The following TMEM182 variants were observed in gnomAD, a reference collection of about 807,000 sequenced individuals.
TMEM182 encodes transmembrane protein 182.
A neutral mutation model predicts 26.8 loss-of-function variants in TMEM182; 20 were observed. That is an observed-to-expected ratio of 0.75 (90% CI 0.53 to 1.09). TMEM182 has a LOEUF of 1.09. Among genes scored for constraint, TMEM182 ranks in the 50% least tolerant of loss-of-function variants. The pLI is 0.00. For missense variants in TMEM182, 277 were observed against 275.5 expected, an observed-to-expected ratio of 1.01 and a Z score of -0.04; for synonymous variants, 109 against 102.2, an observed-to-expected ratio of 1.07 and a Z score of -0.40.
Position 102,814,766 on chromosome 2 carries a change from T to C in TMEM182, c.488T>C (p.Val163Ala). The C allele has an allele frequency of 6.2e-7, 1 of 1,613,582 alleles. No homozygotes were observed. Among genetic ancestry groups the C allele is most frequent in the Non-Finnish European group, 8.5e-7 (1 of 1,179,802 alleles). ...TTCTCAGGCATCCTATTTTCATTGG[T>C]GGTGATGCTGTATGTCATCTGGGTC... ...YIAAGILFSL[V>A]VMLYVIWVQA... The change falls in exon 5 of 5, where the codon GTG becomes GCG. Residue 163 changes from valine to alanine, a missense_variant. Transcript: ENST00000412401.
At chr2:102,770,552 A>T (rs1018738544) in intron 3 of TMEM182, among the ~76,000 whole-genome samples, 5 of 152,116 alleles carry the variant, frequency 3.3e-5, no homozygotes, top group African/African-American at 1.2e-4. Context: ...TCACCTGAGG[A>T]TCCTCCTGAG....
intron 3 of TMEM182, among the ~76,000 whole-genome samples, chr2:102,831,752 G>T (rs1683154531): frequency 6.6e-6 from 1 of 151,242 alleles, no homozygotes; most frequent in Admixed American, 6.6e-5. Flanking sequence ...GCTAGACTCT[G>T]TCTAAAAAAA....
At chr2:102,780,928 G>A (rs1034871269) in intron 3 of TMEM182, among the ~76,000 whole-genome samples, 3 of 152,176 alleles carry the variant, frequency 2.0e-5, no homozygotes, top group Non-Finnish European at 4.4e-5. Context: ...TGTGACCATT[G>A]TTGATTCTGG....
intron 3 of TMEM182, chr2:102,834,329 G>A (rs75672651): frequency 0.096 from 91,013 of 949,926 alleles, 4,768 homozygotes; most frequent in East Asian, 0.2. Flanking sequence ...CTTAGGACTC[G>A]TCTGTTTTTT....
At chr2:102,742,806 T>C (rs1679581542) in intron 1 of TMEM182, among the ~76,000 whole-genome samples, 1 of 152,108 alleles carries the variant, frequency 6.6e-6, no homozygotes, top group Non-Finnish European at 1.5e-5. Flanking sequence ...TAGAATAATT[T>C]TATATCCAGA....
intron 3 of TMEM182, among the ~76,000 whole-genome samples, chr2:102,784,012 G>A (rs542008155): frequency 2.6e-5 from 4 of 152,018 alleles, no homozygotes; most frequent in South Asian, 2.1e-4. Flanking sequence ...TCCAAACTAC[G>A]CCGGACCTGA....
chr2:102,751,694 T>G (rs552589219), intron 1 of TMEM182, among the ~76,000 whole-genome samples: 1 of 152,306 alleles, frequency 6.6e-6, no homozygotes, highest in Admixed American at 6.5e-5. Flanking sequence ...TTTCTTTCTT[T>G]CTTTTTAGAG....
At chr2:102,752,374 C>T (rs914890019) in intron 1 of TMEM182, among the ~76,000 whole-genome samples, 4 of 152,130 alleles carry the variant, frequency 2.6e-5, no homozygotes, top group African/African-American at 4.8e-5. Flanking sequence ...TCATGATATG[C>T]TCTAATTTTT....
chr2:102,750,961 T>C (rs1159797035), intron 1 of TMEM182, among the ~76,000 whole-genome samples: 2 of 152,196 alleles, frequency 1.3e-5, no homozygotes, highest in African/African-American at 4.8e-5. Context: ...CCTGCCCTGC[T>C]GGGTTGCATA....
intron 1 of TMEM182, among the ~76,000 whole-genome samples, chr2:102,738,774 G>T (rs1043121102): frequency 6.6e-6 from 1 of 152,170 alleles, no homozygotes; most frequent in African/African-American, 2.4e-5. Flanking sequence ...ATGTTAGCTT[G>T]TGCAGCTGGA....
chr2:102,758,838 G>T (rs1680123939), upstream of TMEM182, among the ~76,000 whole-genome samples: 1 of 152,288 alleles, frequency 6.6e-6, no homozygotes, highest in South Asian at 2.1e-4. Context: ...CATATGAAAG[G>T]TTGGAAATTC....
chr2:102,773,065 T>C (rs1680747983), intron 3 of TMEM182, among the ~76,000 whole-genome samples: 1 of 152,116 alleles, frequency 6.6e-6, no homozygotes, highest in Admixed American at 6.6e-5. Context: ...ACATGGTAGT[T>C]AATATTATGC....
intron 3 of TMEM182, among the ~76,000 whole-genome samples, chr2:102,841,095 T>C (rs1180526686): frequency 6.6e-6 from 1 of 151,994 alleles, no homozygotes; most frequent in African/African-American, 2.4e-5. Flanking sequence ...GAGTGGCCTG[T>C]GGTGGAGGAA....
intron 1 of TMEM182, among the ~76,000 whole-genome samples, chr2:102,743,460 C>T (rs1333326669): frequency 6.6e-6 from 1 of 152,110 alleles, no homozygotes; most frequent in African/African-American, 2.4e-5. Context: ...TTGCTGACTG[C>T]ACCTCAGCCT....
chr2:102,784,013 C>T (rs965795282), intron 3 of TMEM182, among the ~76,000 whole-genome samples: 2 of 152,096 alleles, frequency 1.3e-5, no homozygotes, highest in Admixed American at 6.5e-5. Flanking sequence ...CCAAACTACG[C>T]CGGACCTGAT....
In TMEM182 at chr2:102,815,406, C is replaced by T; in HGVS notation, c.*438C>T. On this transcript the variant is annotated 3_prime_UTR_variant, in exon 5 of 5. Coordinates refer to ENST00000412401, the MANE Select transcript of TMEM182 (RefSeq NM_144632.5). Reference sequence around the variant, plus strand: ...GTCAGAGAATTTATTTTGTTTCTTGCCCACACAGATAATATCCACATACAC... The same window carrying T: ...GTCAGAGAATTTATTTTGTTTCTTGTCCACACAGATAATATCCACATACAC... The T allele has an allele frequency of 2.0e-6, 2 of 999,006 alleles. No homozygotes were observed. Among genetic ancestry groups the T allele is most frequent in the Non-Finnish European group, 2.4e-6 (2 of 839,006 alleles). The allele number at this position is 999,006 out of a possible 1,614,324, so 61.9% of individuals were successfully genotyped here. A position where few individuals can be genotyped will look rare whatever the true frequency, so the allele number is the denominator to read the frequency against.
At chr2:102,825,306 AC>A (rs1289590023) in intron 3 of TMEM182, among the ~76,000 whole-genome samples, 4 of 152,252 alleles carry the variant, frequency 2.6e-5, no homozygotes, top group African/African-American at 9.6e-5. Context: ...GGAAGAAATA[AC>A]TTTTACCTAC....
chr2:102,790,515 A>T (rs765361965), intron 3 of TMEM182, among the ~76,000 whole-genome samples: 1 of 152,216 alleles, frequency 6.6e-6, no homozygotes, highest in East Asian at 1.9e-4. Context: ...CTTGCCTGTG[A>T]TAATCTTCAC....
chr2:102,814,690 G>C (rs1177154797), intron 4 of TMEM182, 58 bp from the exon 5 acceptor site: 2 of 1,484,170 alleles, frequency 1.3e-6, no homozygotes, highest in Admixed American at 4.1e-5. Context: ...GGTTTAGATA[G>C]CGTTCTTGAG....
Sources: allele counts gnomAD v4.1 joint callset (sites outside exome capture counted in the v4.1 genomes callset), GRCh38; gene constraint gnomAD v4.1.1; transcripts MANE v1.5; gene names NCBI Gene and HGNC (gene_info 2026-07-23, HGNC 2026-07-21).